The following FOXP2 variants were observed in gnomAD, a reference collection of about 807,000 sequenced individuals.
FOXP2 encodes the protein forkhead box P2.
Under a neutral mutation model 115.8 loss-of-function variants are expected in FOXP2, and 12 were observed. The ratio of observed to expected loss-of-function variants is 0.10; its 90% CI spans 0.07 to 0.17. FOXP2 has a LOEUF of 0.17. FOXP2 is among the 10% of genes least tolerant of loss of function. The probability of loss-of-function intolerance (pLI) is 1.00; values close to 1 mark genes in which losing one functional copy is unlikely to be tolerated. For synonymous variants in FOXP2, 328 were observed against 297.7 expected (o/e 1.10, Z -1.05); for missense variants, 629 against 843.5 (o/e 0.75, Z 3.15).
At chr7:114,673,445 C>A (rs935454505) in intron 16 of FOXP2, among the ~76,000 whole-genome samples, 7 of 152,050 alleles carry the variant, frequency 4.6e-5, no homozygotes, top group Admixed American at 3.9e-4. Context: ...AGTGATAAAT[C>A]CTGAAGAATT....
intron 3 of FOXP2, among the ~76,000 whole-genome samples, chr7:114,563,052 G>T (rs753774886): frequency 2.0e-5 from 3 of 152,110 alleles, no homozygotes; most frequent in Non-Finnish European, 4.4e-5. Flanking sequence ...GAGAGCATGT[G>T]CAGGGACACT....
intron 2 of FOXP2, among the ~76,000 whole-genome samples, chr7:114,335,782 G>A (rs947551195): frequency 1.3e-5 from 2 of 151,490 alleles, no homozygotes; most frequent in African/African-American, 2.4e-5. Context: ...TATTTATTAT[G>A]GTAAACAGTC....
At chr7:114,139,985 C>T (rs564479179) in intron 1 of FOXP2, among the ~76,000 whole-genome samples, 25 of 152,022 alleles carry the variant, frequency 1.6e-4, no homozygotes, top group Non-Finnish European at 2.8e-4. Flanking sequence ...TGGTGGCAGG[C>T]GCCTGTAATC....
chr7:114,453,167 A>G (rs1032323094), intron 2 of FOXP2, among the ~76,000 whole-genome samples: 2 of 152,234 alleles, frequency 1.3e-5, no homozygotes, highest in East Asian at 3.9e-4. Context: ...ACAGTTTTGA[A>G]TGTGAAATGA....
chr7:114,503,097 A>G (rs1032927322), intron 2 of FOXP2, among the ~76,000 whole-genome samples: 16 of 151,886 alleles, frequency 1.1e-4, no homozygotes, highest in Non-Finnish European at 1.8e-4. Flanking sequence ...ACACAGAAAA[A>G]CCATTGTGCT....
intron 2 of FOXP2, among the ~76,000 whole-genome samples, chr7:114,316,835 A>T (rs957731318): frequency 2.0e-5 from 3 of 150,800 alleles, no homozygotes; most frequent in African/African-American, 7.3e-5. Context: ...AAACTTTCTA[A>T]TTTTTTTTTT....
chr7:114,378,271 G>T (rs1050872268), intron 2 of FOXP2, among the ~76,000 whole-genome samples: 3 of 152,056 alleles, frequency 2.0e-5, no homozygotes, highest in Non-Finnish European at 4.4e-5. Flanking sequence ...GAGTTAGATG[G>T]AGTATCAACA....
At chr7:114,574,329 G>T (rs940224149) in intron 3 of FOXP2, among the ~76,000 whole-genome samples, 1 of 151,520 alleles carries the variant, frequency 6.6e-6, no homozygotes, top group Non-Finnish European at 1.5e-5. Flanking sequence ...AAAAACGAGG[G>T]TATAAGAGGA....
intron 3 of FOXP2, 149 bp from the exon 4 acceptor site, chr7:114,628,391 T>C: frequency 9.6e-7 from 1 of 1,039,150 alleles, no homozygotes; most frequent in Non-Finnish European, 1.4e-6. Context: ...TTAGTACTAT[T>C]GTAAAGAAGT....
At chr7:114,293,179 G>A (rs570085823) in intron 2 of FOXP2, among the ~76,000 whole-genome samples, 20 of 152,140 alleles carry the variant, frequency 1.3e-4, no homozygotes, top group Admixed American at 1.3e-4. Context: ...AATAGAATAC[G>A]GCACAAGTTC....
At chr7:114,352,783 T>A (rs1344678049) in intron 2 of FOXP2, among the ~76,000 whole-genome samples, 1 of 152,136 alleles carries the variant, frequency 6.6e-6, no homozygotes, top group East Asian at 1.9e-4. Context: ...GGGTTAGGAC[T>A]TCAACTATAA....
chr7:114,518,177 C>T (rs1462344182), intron 2 of FOXP2, among the ~76,000 whole-genome samples: 4 of 151,932 alleles, frequency 2.6e-5, no homozygotes, highest in African/African-American at 7.3e-5. Context: ...TTTGTCCACC[C>T]CTTTTTATAC....
At chr7:114,530,150 C>T (rs544799277) in intron 2 of FOXP2, among the ~76,000 whole-genome samples, 4 of 151,834 alleles carry the variant, frequency 2.6e-5, no homozygotes, top group East Asian at 1.9e-4. Context: ...ATTCTTGTTT[C>T]GCCTGTTCCA....
chr7:114,595,098 GA>G (rs1281947290), intron 3 of FOXP2, among the ~76,000 whole-genome samples: 1 of 151,938 alleles, frequency 6.6e-6, no homozygotes, highest in Non-Finnish European at 1.5e-5. Context: ...TCTTAATAAG[GA>G]AAAGGCACCC....
At chr7:114,340,851 T>A (rs1791185085) in intron 2 of FOXP2, among the ~76,000 whole-genome samples, 1 of 151,148 alleles carries the variant, frequency 6.6e-6, no homozygotes, top group Non-Finnish European at 1.5e-5. Context: ...GCTTCAAGGA[T>A]CCCTTAAACA....
At chr7:114,642,358 T>C in intron 6 of FOXP2, 52 bp from the exon 7 acceptor site, 1 of 1,444,326 alleles carries the variant, frequency 6.9e-7, no homozygotes, top group Non-Finnish European at 9.7e-7. Flanking sequence ...GCTCATTATA[T>C]AAACTTTACC....
At chr7:114,290,952 C>T (rs1484686339) in intron 2 of FOXP2, among the ~76,000 whole-genome samples, 1 of 152,100 alleles carries the variant, frequency 6.6e-6, no homozygotes, top group East Asian at 1.9e-4. Context: ...CCATTATATT[C>T]ATTTCAATCG....
At chr7:114,413,229 T>A (rs1400377092), upstream of FOXP2, among the ~76,000 whole-genome samples, 2 of 152,060 alleles carry the variant, frequency 1.3e-5, no homozygotes, top group African/African-American at 4.8e-5. Flanking sequence ...TCACAGTTTC[T>A]TTGAAATGTG....
intron 2 of FOXP2, among the ~76,000 whole-genome samples, chr7:114,310,096 T>A (rs1797110921): frequency 6.6e-6 from 1 of 152,150 alleles, no homozygotes; most frequent in African/African-American, 2.4e-5. Context: ...ACTGCTACCT[T>A]GAGTTATGCC....
Sources: gnomAD v4.1 joint callset for allele counts (sites outside exome capture counted in the v4.1 genomes callset) on GRCh38, gnomAD v4.1.1 for gene constraint, MANE v1.5 for transcripts, NCBI Gene and HGNC (gene_info 2026-07-23, HGNC 2026-07-21) for gene names.